Variants in SYCP1 observed in about 807,000 individuals in gnomAD.
SYCP1 encodes synaptonemal complex protein 1, also known as cancer/testis antigen 8.
Under a neutral mutation model 153.1 loss-of-function variants are expected in SYCP1, and 64 were observed. The observed-to-expected ratio is 0.42, with a 90% CI of 0.34 to 0.51. SYCP1 has a LOEUF of 0.51. Among genes scored for constraint, SYCP1 ranks in the 20% least tolerant of loss-of-function variants. The pLI, the probability that SYCP1 is intolerant of heterozygous loss-of-function variation, is 0.06. For missense variants in SYCP1, 997 were observed against 1,049.0 expected, an observed-to-expected ratio of 0.95 and a Z score of 0.68; for synonymous variants, 384 against 341.8, an observed-to-expected ratio of 1.12 and a Z score of -1.36.
intron 27 of SYCP1, among the ~76,000 whole-genome samples, chr1:114,971,403 A>T (rs1557842981): frequency 6.6e-6 from 1 of 152,070 alleles, no homozygotes; most frequent in Non-Finnish European, 1.5e-5. Context: ...TGGCATTGAC[A>T]GGCCTCACCC....
chr1:114,925,279 G>A (rs921005684), intron 21 of SYCP1, among the ~76,000 whole-genome samples: 1 of 152,174 alleles, frequency 6.6e-6, no homozygotes. Context: ...AGATCATTAA[G>A]CCTGTTGTTT....
intron 1 of SYCP1, 54 bp from the exon 2 acceptor site, chr1:114,855,387 T>A: frequency 9.3e-7 from 1 of 1,077,372 alleles, no homozygotes; most frequent in Non-Finnish European, 1.4e-6. Context: ...AGTGTATTCA[T>A]GACACTCGGT....
At chr1:114,975,400 A>G (rs1672745110) in intron 27 of SYCP1, among the ~76,000 whole-genome samples, 1 of 151,070 alleles carries the variant, frequency 6.6e-6, no homozygotes, top group Admixed American at 6.6e-5. Flanking sequence ...AGTCTTTTAA[A>G]TTAGTTTATT....
intron 21 of SYCP1, among the ~76,000 whole-genome samples, chr1:114,925,185 AT>A (rs1377745339): frequency 6.6e-6 from 1 of 152,118 alleles, no homozygotes; most frequent in Non-Finnish European, 1.5e-5. Flanking sequence ...TATTAGTTAA[AT>A]TCAACCTGAA....
Position 114,876,145 on chromosome 1 carries a change from A to T in SYCP1, c.727+7A>T, listed in dbSNP as rs1482908691. The T allele has an allele frequency of 6.5e-7, 1 of 1,532,966 alleles. No individual in the cohort carries two copies. The highest frequency in any genetic ancestry group is 8.8e-7 in the Non-Finnish European group (1 of 1,137,126). 95.0% of individuals were successfully genotyped at this position (1,532,966 alleles called of 1,614,324 possible). A position where few individuals can be genotyped will look rare whatever the true frequency, so the allele number is the denominator to read the frequency against. Reference sequence around the variant, plus strand: ...CTGGAAATGCATTTTAAGTGTAGGTATAGGGATCTTACTTAATTTTTATAT... The same window carrying T: ...CTGGAAATGCATTTTAAGTGTAGGTTTAGGGATCTTACTTAATTTTTATAT... On this transcript the variant is annotated splice_region_variant and intron_variant, in intron 10 of 31. Coordinates refer to ENST00000369522, the MANE Select transcript of SYCP1 (RefSeq NM_003176.4).
Position 114,942,408 on chromosome 1 carries a change from A to G in SYCP1, c.1927-1931A>G, listed in dbSNP as rs12070551. Among the ~76,000 whole-genome samples, 553 of 152,154 alleles carry G rather than the reference A, an allele frequency of 3.6e-3. 6 individuals are homozygous for G. The highest frequency in any genetic ancestry group is 0.012 in the African/African-American group (518 of 41,562). On this transcript the variant is annotated intron_variant, in intron 23 of 31. Coordinates refer to ENST00000369522, the MANE Select transcript of SYCP1 (RefSeq NM_003176.4). ...ACAAAAATGATCATATAGGCCAAGA[A>G]TAACTAAAGCAATCTTTAAGAACAA...
intron 30 of SYCP1, 28 bp from the exon 31 acceptor site, chr1:114,994,670 A>C: frequency 6.7e-7 from 1 of 1,495,306 alleles, no homozygotes; most frequent in East Asian, 2.3e-5. Context: ...GGTAAACCCA[A>C]CATCATATTT....
chr1:114,935,442 C>T (rs1196829078), intron 23 of SYCP1, among the ~76,000 whole-genome samples: 1 of 152,134 alleles, frequency 6.6e-6, no homozygotes, highest in Non-Finnish European at 1.5e-5. Flanking sequence ...TAAATGCCCA[C>T]AAAAGAAAGC....
At chr1:114,914,700 CT>C (rs1557796126) in intron 20 of SYCP1, among the ~76,000 whole-genome samples, 1 of 152,314 alleles carries the variant, frequency 6.6e-6, no homozygotes, top group East Asian at 1.9e-4. Flanking sequence ...GGACAGTCCA[CT>C]TTTGCTTTCT....
chr1:114,854,766 T>C (rs1171368012), upstream of SYCP1: 2 of 152,174 alleles, frequency 1.3e-5, no homozygotes, highest in Admixed American at 6.6e-5. Context: ...GAAACAATTG[T>C]TCCTAGCGAT....
intron 8 of SYCP1, among the ~76,000 whole-genome samples, chr1:114,867,527 T>C (rs907836832): frequency 3.9e-5 from 6 of 152,196 alleles, no homozygotes; most frequent in Non-Finnish European, 8.8e-5. Context: ...GTAAATGGTA[T>C]TGTGTTTTCA....
intron 12 of SYCP1, among the ~76,000 whole-genome samples, chr1:114,881,420 A>G (rs774462130): frequency 6.6e-6 from 1 of 152,172 alleles, no homozygotes; most frequent in Non-Finnish European, 1.5e-5. Context: ...TCCATAAAGG[A>G]TATGTTTGCA....
chr1:114,911,267 A>G (rs990040225), intron 17 of SYCP1, among the ~76,000 whole-genome samples: 2 of 152,006 alleles, frequency 1.3e-5, no homozygotes, highest in African/African-American at 2.4e-5. Context: ...TGAATTTTAC[A>G]ATATCGAGAT....
rs1264917835 is a variant in SYCP1 at position 114,874,511 on chromosome 1, T to G, written c.604T>G (p.Tyr202Asp). 7 of 1,558,842 alleles carry G rather than the reference T, an allele frequency of 4.5e-6. No individual in the cohort carries two copies. The South Asian group carries it at 8.3e-5, about 18-fold the overall frequency. Residue 202 changes from tyrosine to aspartate, a missense_variant, in exon 9 of 32, where the codon TAT (tyrosine) becomes GAT (aspartate). Tyr to Asp is a radical substitution (Grantham distance 160). Around this residue, in one of 2 missense-constraint regions of SYCP1, gnomAD observed 285 missense variants for 366.1 expected, o/e 0.78. Coordinates refer to ENST00000369522, the MANE Select transcript of SYCP1 (RefSeq NM_003176.4). ...AATTTTTATATTAACAATAGATGAA[T>G]ATGAACGGGAAGAAACCAGGCAAGT... Reference protein sequence around the residue: ...RSAEKTKKYEYEREETRQVYM... With the variant: ...RSAEKTKKYEDEREETRQVYM...
At chr1:114,857,158 G>GAAAAAAAAAAAAAAAAAAAAAAA in intron 3 of SYCP1, 74 bp from the exon 4 acceptor site, 1 of 474,178 alleles carries the variant, frequency 2.1e-6, no homozygotes, top group Non-Finnish European at 3.1e-6. Context: ...AAAAAAAAAA[G>GAAAAAAAAAAAAAAAAAAAAAAA]AGAAAAAAGA....
chr1:114,883,981 G>A (rs1321523125), intron 12 of SYCP1, among the ~76,000 whole-genome samples: 3 of 152,124 alleles, frequency 2.0e-5, no homozygotes, highest in African/African-American at 7.2e-5. Context: ...ATGAACCACC[G>A]GGCCTGGCCC....
intron 30 of SYCP1, among the ~76,000 whole-genome samples, chr1:114,987,751 A>C (rs1490337415): frequency 6.6e-6 from 1 of 152,014 alleles, no homozygotes; most frequent in Non-Finnish European, 1.5e-5. Flanking sequence ...TCAAAGGAAC[A>C]AAACAAACCA....
Position 114,944,902 on chromosome 1 carries a change from G to A in SYCP1, c.2074G>A (p.Ala692Thr). 1 of 1,601,154 alleles carries A rather than the reference G, an allele frequency of 6.2e-7. No homozygotes were observed. Among genetic ancestry groups the A allele is most frequent in the Non-Finnish European group, 8.5e-7 (1 of 1,175,064 alleles). The change falls in exon 25 of 32, where the codon GCA becomes ACA. Residue 692 changes from alanine (A) to threonine (T), a missense_variant. Physicochemically the swap from Ala to Thr is moderately conservative, Grantham distance 58. This residue lies in a region of SYCP1 where 712 missense variants were observed against 682.9 expected (regional missense o/e 1.04). Coordinates refer to ENST00000369522, the MANE Select transcript of SYCP1 (RefSeq NM_003176.4). The stretch of plus-strand genomic sequence containing the variant: ...GAAAGCAAAAGTAATAGCTGATGAA[G>A]CAGTAAAATTACAGAAAGAAATTGA... ...VEKAKVIADE[A>T]VKLQKEIDKR...
chr1:114,875,944 A>T, intron 9 of SYCP1, 125 bp from the exon 10 acceptor site: 1 of 574,732 alleles, frequency 1.7e-6, no homozygotes, highest in Non-Finnish European at 2.9e-6. Flanking sequence ...ACAGTGTTTT[A>T]GTTATTCCAA....
Sources: gnomAD v4.1 joint callset for allele counts (sites outside exome capture counted in the v4.1 genomes callset) on GRCh38, gnomAD v4.1.1 for gene constraint, gnomAD v4.1.1 regional missense constraint, MANE v1.5 for transcripts, NCBI Gene and HGNC (gene_info 2026-07-23, HGNC 2026-07-21) for gene names.